The following KIF6 variants were observed in gnomAD, a reference collection of about 807,000 sequenced individuals.
KIF6 encodes the protein kinesin-like protein KIF6.
Under a neutral mutation model 112.7 loss-of-function variants are expected in KIF6, and 106 were observed. The ratio of observed to expected loss-of-function variants is 0.94; its 90% CI spans 0.80 to 1.11. The LOEUF (loss-of-function observed/expected upper bound fraction) is 1.11, where lower values mean the gene tolerates loss of function less well. Among genes scored for constraint, KIF6 ranks in the 50% least tolerant of loss-of-function variants. KIF6 has a pLI of 0.00. For missense variants in KIF6, 929 were observed against 964.0 expected (o/e 0.96, Z 0.48); for synonymous variants, 339 against 339.9 (o/e 1.00, Z 0.03).
intron 13 of KIF6, among the ~76,000 whole-genome samples, chr6:39,492,139 A>G (rs1775513915): frequency 6.6e-6 from 1 of 152,194 alleles, no homozygotes; most frequent in African/African-American, 2.4e-5. Context: ...CTGACCCTTT[A>G]GACAGAAGTT....
rs143824190 is a variant in KIF6 at position 39,343,911 on chromosome 6, A to T, written c.2322-96T>A. 1 of 670,054 alleles carries T rather than the reference A, an allele frequency of 1.5e-6. No individual in the cohort carries two copies. The highest frequency in any genetic ancestry group is 1.8e-5 in the African/African-American group (1 of 55,336). 41.5% of individuals were successfully genotyped at this position (670,054 alleles called of 1,614,324 possible). A position where few individuals can be genotyped will look rare whatever the true frequency, so the allele number is the denominator to read the frequency against. On this transcript the variant is annotated intron_variant, in intron 21 of 22. Transcript: ENST00000287152. The surrounding 1 kb of genome is among the most constrained non-coding windows in gnomAD (Gnocchi z 4.1). ...TTTTCCATTTTAGGTGACTGATCTC[A>T]CTCAGAAAGCTACATGACACGGCTG...
At position 39,473,035 on chromosome 6, in the gene KIF6, C is replaced by T. The variant is rs750461256; in HGVS notation, c.1646-41874G>A. On this transcript the variant is annotated intron_variant, in intron 13 of 22. Transcript: ENST00000287152. ...CCAAGTAGTTGGGATTACAGGCATG[C>T]GCCACCATGCCCAGCTAATTTTGTA... 6.6e-5 allele frequency among the ~76,000 whole-genome samples: 10 copies of T among 152,126 alleles called. No individual in the cohort carries two copies. The South Asian group carries it at 8.3e-4, about 13-fold the overall frequency.
chr6:39,595,009 T>C (rs926582417), intron 7 of KIF6, among the ~76,000 whole-genome samples: 17 of 152,130 alleles, frequency 1.1e-4, no homozygotes, highest in South Asian at 2.1e-4. Context: ...TAAATTCAGA[T>C]GAATGTTCTC....
At chr6:39,587,815 T>A (rs550200727) in intron 7 of KIF6, among the ~76,000 whole-genome samples, 1 of 152,270 alleles carries the variant, frequency 6.6e-6, no homozygotes, top group South Asian at 2.1e-4. Context: ...AATTACCTCC[T>A]CTCTCTTCTG....
chr6:39,432,776 T>C (rs1454354835), intron 13 of KIF6, among the ~76,000 whole-genome samples: 2 of 152,214 alleles, frequency 1.3e-5, no homozygotes, highest in Admixed American at 1.3e-4. Context: ...TGTCCGGGTC[T>C]GCACCCAGTT....
intron 3 of KIF6, among the ~76,000 whole-genome samples, chr6:39,698,016 T>G (rs548839345): frequency 6.6e-6 from 1 of 152,206 alleles, no homozygotes; most frequent in Non-Finnish European, 1.5e-5. Flanking sequence ...TAATATCACA[T>G]GGAAATTGGG....
rs761480721 is a variant in KIF6, at chr6:39,332,296, C to T, written c.*4236G>A. On this transcript the variant is annotated 3_prime_UTR_variant, in exon 23 of 23. Transcript: ENST00000287152. ...TCCTCTCATGGCCCATATTTTCCTG[C>T]TTCTTTGCATGCCTGATTATTTTTT... 6.6e-6 allele frequency: 1 copy of T among 152,100 alleles called. No homozygotes were observed. Among genetic ancestry groups the T allele is most frequent in the Non-Finnish European group, 1.5e-5 (1 of 68,022 alleles). The allele number at this position is 152,100 out of a possible 1,614,324, so 9.4% of individuals were successfully genotyped here.
chr6:39,406,372 T>C (rs1446385403), intron 15 of KIF6, among the ~76,000 whole-genome samples: 2 of 152,230 alleles, frequency 1.3e-5, no homozygotes, highest in Non-Finnish European at 2.9e-5. Context: ...TCAACCTGGC[T>C]AGATGTTTAT....
chr6:39,667,331 G>T (rs1424565829), intron 3 of KIF6, among the ~76,000 whole-genome samples: 1 of 152,288 alleles, frequency 6.6e-6, no homozygotes, highest in East Asian at 1.9e-4. Flanking sequence ...GGGCCAATGA[G>T]CCTGGAGTTC....
In KIF6 at chr6:39,382,724, G is replaced by A. The variant is rs999017304; in HGVS notation, c.1861+2898C>T. Among the ~76,000 whole-genome samples, 7 of 152,076 alleles carry A rather than the reference G, an allele frequency of 4.6e-5. 1 individual carries two copies. The highest frequency in any genetic ancestry group is 2.0e-4 in the Admixed American group (3 of 15,270). On this transcript the variant is annotated intron_variant, in intron 16 of 22. Transcript: ENST00000287152. ...GGGTTGAATGGCAGTTCTATTTTTA[G>A]TTCTCTGAGAAATCTCCAAACTGCT...
chr6:39,343,605 GA>G lies in KIF6; in HGVS notation c.2428+103del. ...AGGCAGGCCAGTCCTGTGGCTTCAG[GA>G]ATATGCAGGAAACTCCCTACTCCCC... is the stretch of plus-strand genomic sequence containing the variant. On this transcript the variant is annotated intron_variant, in intron 22 of 22. Coordinates refer to ENST00000287152, the MANE Select transcript of KIF6 (RefSeq NM_145027.6). This position sits in a 1 kb window ranked among gnomAD's most constrained non-coding sequence, Gnocchi z 4.1. The G allele has an allele frequency of 5.3e-6, 6 of 1,134,982 alleles. No homozygotes were observed. Among genetic ancestry groups the G allele is most frequent in the South Asian group, 1.6e-5 (1 of 64,016 alleles). 70.3% of individuals were successfully genotyped at this position (1,134,982 alleles called of 1,614,324 possible). A position where few individuals can be genotyped will look rare whatever the true frequency, so the allele number is the denominator to read the frequency against.
chr6:39,520,773 G>A (rs1356345929), intron 13 of KIF6, among the ~76,000 whole-genome samples: 1 of 152,132 alleles, frequency 6.6e-6, no homozygotes. Context: ...GTGGAAAACG[G>A]CTTCTTGCTT....
At chr6:39,392,362 T>G (rs1417161793) in intron 15 of KIF6, among the ~76,000 whole-genome samples, 1 of 152,182 alleles carries the variant, frequency 6.6e-6, no homozygotes, top group Non-Finnish European at 1.5e-5. Context: ...AAACATGTAG[T>G]CTTATAAGTC....
At chr6:39,652,659 GT>G (rs906005214) in intron 3 of KIF6, among the ~76,000 whole-genome samples, 4 of 151,942 alleles carry the variant, frequency 2.6e-5, no homozygotes, top group South Asian at 2.1e-4. Context: ...CTGAACTTAT[GT>G]TTTTTTTCTT....
chr6:39,637,937 C>A (rs773459998), intron 4 of KIF6, among the ~76,000 whole-genome samples: 13 of 151,918 alleles, frequency 8.6e-5, no homozygotes, highest in African/African-American at 2.4e-4. Context: ...AAACAATGAA[C>A]CTGACAAATG....
At chr6:39,444,779 A>G (rs1192395723) in intron 13 of KIF6, among the ~76,000 whole-genome samples, 1 of 152,094 alleles carries the variant, frequency 6.6e-6, no homozygotes, top group Non-Finnish European at 1.5e-5. Context: ...TCTCATAAAT[A>G]CCAGCAAACC....
chr6:39,487,893 C>T (rs530895599), intron 13 of KIF6, among the ~76,000 whole-genome samples: 21 of 152,228 alleles, frequency 1.4e-4, no homozygotes, highest in Non-Finnish European at 2.1e-4. Context: ...AAGCTTTGGC[C>T]TCCACTTCAG....
At chr6:39,426,611 C>T (rs1215956111) in intron 14 of KIF6, among the ~76,000 whole-genome samples, 1 of 152,050 alleles carries the variant, frequency 6.6e-6, no homozygotes, top group Non-Finnish European at 1.5e-5. Context: ...ATTAGTCAGG[C>T]GTGATGGCAT....
chr6:39,652,441 C>A (rs1201167192), intron 3 of KIF6, among the ~76,000 whole-genome samples: 1 of 151,694 alleles, frequency 6.6e-6, no homozygotes, highest in African/African-American at 2.4e-5. Flanking sequence ...GCAGGAAAAT[C>A]GCTTGAACCT....
Sources: allele counts gnomAD v4.1 joint callset (sites outside exome capture counted in the v4.1 genomes callset), GRCh38; gene constraint gnomAD v4.1.1; non-coding constraint Gnocchi (gnomAD v3.1); transcripts MANE v1.5; gene names NCBI Gene and HGNC (gene_info 2026-07-23, HGNC 2026-07-21).